NPC2: variants seen among roughly 807,000 people sequenced by gnomAD.
The protein encoded by NPC2 is Niemann-Pick disease type C2 protein.
In NPC2, 14 loss-of-function variants were observed where a neutral mutation model predicts 17.0. The observed-to-expected ratio is 0.82, with a 90% CI of 0.54 to 1.29. The LOEUF is 1.29. Ranked by LOEUF, NPC2 falls within the 50% of genes most tolerant of loss-of-function variation. The probability of loss-of-function intolerance (pLI) is 0.00; values close to 1 mark genes in which losing one functional copy is unlikely to be tolerated. For synonymous variants in NPC2, 75 were observed against 69.3 expected (o/e 1.08, Z -0.41); for missense variants, 167 against 183.4 (o/e 0.91, Z 0.52).
chr14:74,493,232 T>G lies in NPC2; in HGVS notation c.43A>C (p.Thr15Pro). 1 of 1,612,970 alleles carries G rather than the reference T, an allele frequency of 6.2e-7. No individual in the cohort carries two copies. The highest frequency in any genetic ancestry group is 1.1e-5 in the South Asian group (1 of 90,830). ...TGCACCGGTTCGGCCTGGGCAGCGG[T>G]GCTGAGCGCCAGGAGCAGGAATGTA... Reference protein sequence around the residue: ...AATFLLLALSTAAQAEPVQFK... With the variant: ...AATFLLLALSPAAQAEPVQFK... The change falls in exon 1 of 5, where the codon ACC becomes CCC. Residue 15 changes from threonine to proline, a missense_variant. Thr to Pro is a conservative substitution (Grantham distance 38). Transcript: ENST00000555619. The surrounding 1 kb of genome is among the most constrained non-coding windows in gnomAD (Gnocchi z 4.1).
intron 1 of NPC2, among the ~76,000 whole-genome samples, chr14:74,489,701 A>C (rs973857929): frequency 4.6e-5 from 7 of 152,246 alleles, no homozygotes; most frequent in African/African-American, 1.7e-4. Context: ...TGAATGGGAG[A>C]GAATGCAGGT....
chr14:74,480,890 A>G, intron 3 of NPC2, 111 bp from the exon 4 acceptor site: 1 of 920,270 alleles, frequency 1.1e-6, no homozygotes. Flanking sequence ...CTAACTCCTC[A>G]TACTTTTTTT....
intron 1 of NPC2, among the ~76,000 whole-genome samples, chr14:74,487,818 C>T (rs111456379): frequency 5.3e-5 from 8 of 152,100 alleles, no homozygotes; most frequent in African/African-American, 1.9e-4. Context: ...GAAATTGTAC[C>T]TTGACTAGCA....
chr14:74,492,544 T>G (rs1170465692), intron 1 of NPC2, among the ~76,000 whole-genome samples: 2 of 152,194 alleles, frequency 1.3e-5, no homozygotes, highest in African/African-American at 4.8e-5. Flanking sequence ...TTCCGACAAT[T>G]CTATAGACTC....
At chr14:74,483,977 T>C (rs1238584241) in intron 3 of NPC2, among the ~76,000 whole-genome samples, 1 of 152,230 alleles carries the variant, frequency 6.6e-6, no homozygotes, top group Admixed American at 6.5e-5. Context: ...TCTGTCATTA[T>C]ATTCTAATTG....
At chr14:74,491,051 G>A (rs966581167) in intron 1 of NPC2, among the ~76,000 whole-genome samples, 1 of 152,110 alleles carries the variant, frequency 6.6e-6, no homozygotes, top group African/African-American at 2.4e-5. Context: ...AAGACAGCTT[G>A]TGAGGATGGA....
intron 1 of NPC2, among the ~76,000 whole-genome samples, chr14:74,491,346 C>G (rs1214620704): frequency 1.3e-5 from 2 of 152,158 alleles, no homozygotes; most frequent in African/African-American, 4.8e-5. Flanking sequence ...GCTGGGATTA[C>G]AGGTGTGAGC....
chr14:74,492,740 T>C (rs2086789085), intron 1 of NPC2, among the ~76,000 whole-genome samples: 1 of 152,062 alleles, frequency 6.6e-6, no homozygotes. Context: ...TTTGTAACAA[T>C]AAATGATGAA....
At chr14:74,481,730 C>T (rs912210026) in intron 3 of NPC2, among the ~76,000 whole-genome samples, 3 of 152,192 alleles carry the variant, frequency 2.0e-5, no homozygotes, top group African/African-American at 7.2e-5. Flanking sequence ...TCAGTTAACG[C>T]CCTTAAACTG....
At chr14:74,488,663 G>A (rs930221219) in intron 1 of NPC2, among the ~76,000 whole-genome samples, 7 of 152,138 alleles carry the variant, frequency 4.6e-5, no homozygotes, top group African/African-American at 9.7e-5. Flanking sequence ...GCAGTGAGCC[G>A]AGATTGCGCC....
chr14:74,492,446 T>C (rs1440530577), intron 1 of NPC2, among the ~76,000 whole-genome samples: 4 of 152,232 alleles, frequency 2.6e-5, no homozygotes, highest in Admixed American at 6.5e-5. Context: ...TTTCCACTCA[T>C]AGATCTTACA....
intron 1 of NPC2, among the ~76,000 whole-genome samples, chr14:74,487,266 T>G (rs1294080136): frequency 3.5e-5 from 5 of 144,758 alleles, no homozygotes; most frequent in African/African-American, 1.3e-4. Flanking sequence ...TTTTTGTGGT[T>G]TTTTTTTGTT....
At chr14:74,487,208 C>A (rs1672376004) in intron 1 of NPC2, among the ~76,000 whole-genome samples, 1 of 151,506 alleles carries the variant, frequency 6.6e-6, no homozygotes, top group Non-Finnish European at 1.5e-5. Context: ...CTAGGCCTCC[C>A]AAAGTGCTAG....
intron 1 of NPC2, among the ~76,000 whole-genome samples, chr14:74,491,136 G>A (rs2086767049): frequency 6.6e-6 from 1 of 152,242 alleles, no homozygotes; most frequent in African/African-American, 2.4e-5. Flanking sequence ...GCAGTGGCGT[G>A]ATCTTGGCTC....
At position 74,493,290 on chromosome 14, in the gene NPC2, T is replaced by C. The variant is rs777356682; in HGVS notation, c.-16A>G. On this transcript the variant is annotated 5_prime_UTR_variant, in exon 1 of 5. Coordinates refer to ENST00000555619, the MANE Select transcript of NPC2 (RefSeq NM_006432.5). This position sits in a 1 kb window ranked among gnomAD's most constrained non-coding sequence, Gnocchi z 4.1. ...GGAAACGCATCGCGGATAACGAAGT[T>C]CCAAGCTCGGGAAAGAAGCAGCGGC... 2.5e-6 allele frequency: 4 copies of C among 1,611,182 alleles called. No individual in the cohort carries two copies. The East Asian group carries it at 8.9e-5, about 36-fold the overall frequency.
chr14:74,488,114 T>A (rs922665312), intron 1 of NPC2, among the ~76,000 whole-genome samples: 1 of 152,234 alleles, frequency 6.6e-6, no homozygotes, highest in African/African-American at 2.4e-5. Context: ...GATGAAGGTC[T>A]GTCTCAAACT....
intron 2 of NPC2, among the ~76,000 whole-genome samples, 168 bp from the exon 3 acceptor site, chr14:74,484,755 C>CAAAAAAAAAAAAAAAAA (rs71115996): frequency 2.3e-5 from 2 of 85,232 alleles, no homozygotes; most frequent in Non-Finnish European, 2.2e-5. Flanking sequence ...CACAATTATG[C>CAAAAAAAAAAAAAAAAA]AAAAAAAAAA....
chr14:74,486,904 T>C (rs910497208), intron 1 of NPC2, among the ~76,000 whole-genome samples: 1 of 152,156 alleles, frequency 6.6e-6, no homozygotes, highest in African/African-American at 2.4e-5. Context: ...TTTTCTAGCA[T>C]ATAGATTAGC....
chr14:74,490,060 C>G (rs995422315), intron 1 of NPC2, among the ~76,000 whole-genome samples: 28 of 152,298 alleles, frequency 1.8e-4, no homozygotes, highest in African/African-American at 6.7e-4. Flanking sequence ...CTCAAATATA[C>G]TTTGTGGATA....
Sources: gnomAD v4.1 joint callset for allele counts (sites outside exome capture counted in the v4.1 genomes callset) on GRCh38, gnomAD v4.1.1 for gene constraint, Gnocchi (gnomAD v3.1) non-coding constraint, MANE v1.5 for transcripts, NCBI Gene and HGNC (gene_info 2026-07-23, HGNC 2026-07-21) for gene names.